The following SLC8A1 variants were observed in gnomAD, a reference collection of about 807,000 sequenced individuals.
SLC8A1 encodes solute carrier family 8 member A1.
SLC8A1 carries 18 observed loss-of-function variants against 68.3 expected under a neutral mutation model. The observed-to-expected ratio is 0.26, with a 90% CI of 0.18 to 0.39. SLC8A1 has a LOEUF of 0.39. Among genes scored for constraint, SLC8A1 ranks in the 10% least tolerant of loss-of-function variants. SLC8A1 has a pLI of 1.00. For synonymous variants in SLC8A1, 475 were observed against 415.5 expected, an observed-to-expected ratio of 1.14 and a Z score of -1.74; for missense variants, 985 against 1,156.7, an observed-to-expected ratio of 0.85 and a Z score of 2.15.
chr2:40,148,679 G>C (rs1480519817), intron 6 of SLC8A1, among the ~76,000 whole-genome samples: 1 of 152,188 alleles, frequency 6.6e-6, no homozygotes, highest in Non-Finnish European at 1.5e-5. Flanking sequence ...CACAGATCCT[G>C]TGTGCCTCAG....
upstream of SLC8A1, among the ~76,000 whole-genome samples, chr2:40,455,019 T>C (rs1702917457): frequency 1.3e-5 from 2 of 152,214 alleles, no homozygotes; most frequent in African/African-American, 4.8e-5. Flanking sequence ...CCTCTGGACT[T>C]GGAATTAAGA....
At chr2:40,153,735 G>A (rs1319958114) in intron 6 of SLC8A1, among the ~76,000 whole-genome samples, 3 of 152,154 alleles carry the variant, frequency 2.0e-5, no homozygotes, top group African/African-American at 7.2e-5. Flanking sequence ...ACAATTTCTA[G>A]CTCCAGATAT....
intron 1 of SLC8A1, among the ~76,000 whole-genome samples, chr2:40,465,794 T>C (rs1292017495): frequency 6.6e-6 from 1 of 152,196 alleles, no homozygotes; most frequent in Non-Finnish European, 1.5e-5. Flanking sequence ...ATAAAATGTG[T>C]TGGAAAACTT....
intron 2 of SLC8A1, among the ~76,000 whole-genome samples, chr2:40,312,060 G>A (rs1161015461): frequency 6.6e-6 from 1 of 151,988 alleles, no homozygotes; most frequent in East Asian, 1.9e-4. Context: ...CTTCTCCCTA[G>A]GCTAGACAAA....
intron 4 of SLC8A1, among the ~76,000 whole-genome samples, chr2:40,173,855 T>C (rs2047983377): frequency 1.3e-5 from 2 of 152,328 alleles, no homozygotes; most frequent in Middle Eastern, 6.8e-3. Flanking sequence ...ACTGTTTAAA[T>C]ATTTATCTCT....
chr2:40,348,977 A>G (rs1670221537), intron 2 of SLC8A1, among the ~76,000 whole-genome samples: 1 of 152,220 alleles, frequency 6.6e-6, no homozygotes, highest in African/African-American at 2.4e-5. Flanking sequence ...TCGTGGTGCC[A>G]TGGGCTTTTT....
At chr2:40,107,759 C>T (rs4952447) in exon 8 of SLC8A1, 71,477 of 152,032 alleles carry the variant, frequency 0.47, 17,654 homozygotes, top group Middle Eastern at 0.61. Context: ...ACAGAGATCA[C>T]CTACTTTTAC....
At chr2:40,327,086 ACT>A (rs1443763297) in intron 2 of SLC8A1, among the ~76,000 whole-genome samples, 3 of 152,220 alleles carry the variant, frequency 2.0e-5, no homozygotes, top group Non-Finnish European at 4.4e-5. Flanking sequence ...CAATTCTACT[ACT>A]GTCTTAAATT....
chr2:40,333,875 C>G (rs1046393337), intron 2 of SLC8A1, among the ~76,000 whole-genome samples: 2 of 152,002 alleles, frequency 1.3e-5, no homozygotes, highest in African/African-American at 2.4e-5. Flanking sequence ...ATGGTGAAAC[C>G]CTGTTTGTAC....
chr2:40,327,205 T>C (rs1479565053), intron 2 of SLC8A1, among the ~76,000 whole-genome samples: 1 of 152,240 alleles, frequency 6.6e-6, no homozygotes, highest in Non-Finnish European at 1.5e-5. Flanking sequence ...TAAATGATAA[T>C]TACATTTCTA....
intron 2 of SLC8A1, among the ~76,000 whole-genome samples, chr2:40,409,528 A>G (rs898922998): frequency 6.6e-6 from 1 of 152,162 alleles, no homozygotes; most frequent in Non-Finnish European, 1.5e-5. Flanking sequence ...CAGAGCTTCC[A>G]TTTATCAAGA....
intron 2 of SLC8A1, among the ~76,000 whole-genome samples, chr2:40,344,477 T>C (rs1668652039): frequency 6.6e-6 from 1 of 152,176 alleles, no homozygotes; most frequent in Non-Finnish European, 1.5e-5. Flanking sequence ...AGGTGTGTAC[T>C]ACAAACATAC....
chr2:40,387,464 G>A (rs1181011782), intron 2 of SLC8A1, among the ~76,000 whole-genome samples: 1 of 151,178 alleles, frequency 6.6e-6, no homozygotes, highest in East Asian at 1.9e-4. Context: ...AAAGCTAATT[G>A]AAACCAGATA....
chr2:40,432,225 A>T (rs1698475038), intron 1 of SLC8A1, among the ~76,000 whole-genome samples: 1 of 151,912 alleles, frequency 6.6e-6, no homozygotes, highest in Non-Finnish European at 1.5e-5. Flanking sequence ...AGAAAGACTT[A>T]CTAGTCTGTC....
rs143847077 is a variant in SLC8A1, at chr2:40,297,919, G to A, written c.1809-120064C>T. 5.4e-3 allele frequency among the ~76,000 whole-genome samples: 826 copies of A among 152,092 alleles called. 11 individuals carry two copies. Among genetic ancestry groups the A allele is most frequent in the African/African-American group, 0.019 (781 of 41,480 alleles). On this transcript the variant is annotated intron_variant, in intron 2 of 7. Coordinates refer to ENST00000406785, the Ensembl canonical transcript of SLC8A1. ...TTTTGAAATAAAGTCTCACTGTGTC[G>A]CCCAGGCTGGAGTGCAGTGGTGCGA...
chr2:40,145,283 C>A (rs1164077703), intron 6 of SLC8A1, among the ~76,000 whole-genome samples: 1 of 152,168 alleles, frequency 6.6e-6, no homozygotes, highest in African/African-American at 2.4e-5. Context: ...AAGGTTGAAT[C>A]ATAAGGAATC....
chr2:40,337,222 C>G (rs1001340959), intron 2 of SLC8A1: 3 of 259,992 alleles, frequency 1.2e-5, no homozygotes, highest in African/African-American at 4.3e-5. Flanking sequence ...TAAATACATT[C>G]ACTGTTTTGA....
At chr2:40,178,439 G>T in intron 2 of SLC8A1, 2 of 1,613,874 alleles carry the variant, frequency 1.2e-6, no homozygotes, top group Non-Finnish European at 1.7e-6. Context: ...CAAGGAAGAA[G>T]GTCTTGTTTT....
At chr2:40,214,982 G>A (rs2148802604) in intron 2 of SLC8A1, among the ~76,000 whole-genome samples, 1 of 152,184 alleles carries the variant, frequency 6.6e-6, no homozygotes, top group South Asian at 2.1e-4. Flanking sequence ...GTTTGGGATG[G>A]TCCCTACTTT....
Sources: allele counts gnomAD v4.1 joint callset (sites outside exome capture counted in the v4.1 genomes callset), GRCh38; gene constraint gnomAD v4.1.1; transcripts MANE v1.5; gene names NCBI Gene and HGNC (gene_info 2026-07-23, HGNC 2026-07-21).